The following PAX7 variants were observed in gnomAD, a reference collection of about 807,000 sequenced individuals.
PAX7 encodes the protein paired box protein Pax-7.
In PAX7, 18 loss-of-function variants were observed where a neutral mutation model predicts 50.7. The ratio of observed to expected loss-of-function variants is 0.36; its 90% CI spans 0.25 to 0.53. The LOEUF (loss-of-function observed/expected upper bound fraction) is 0.53. Among genes scored for constraint, PAX7 ranks in the 20% least tolerant of loss-of-function variants. PAX7 has a pLI of 0.93. For missense variants in PAX7, 644 were observed against 702.9 expected, an observed-to-expected ratio of 0.92 and a Z score of 0.95; for synonymous variants, 310 against 290.4, an observed-to-expected ratio of 1.07 and a Z score of -0.69.
intron 4 of PAX7, among the ~76,000 whole-genome samples, chr1:18,667,079 T>C (rs1431025702): frequency 1.3e-5 from 2 of 152,178 alleles, no homozygotes; most frequent in Non-Finnish European, 2.9e-5. Context: ...TCGTTTGGTC[T>C]GATTTCATTC....
intron 4 of PAX7, among the ~76,000 whole-genome samples, chr1:18,659,347 A>G (rs1191240507): frequency 6.6e-6 from 1 of 152,194 alleles, no homozygotes; most frequent in East Asian, 1.9e-4. Flanking sequence ...GGGAGGGGGC[A>G]GCCAGGCCTC....
chr1:18,688,629 G>C (rs1478845212), intron 4 of PAX7, among the ~76,000 whole-genome samples: 1 of 152,196 alleles, frequency 6.6e-6, no homozygotes, highest in African/African-American at 2.4e-5. Flanking sequence ...GGCCAGGCAT[G>C]GTGGCTCATG....
At chr1:18,695,458 G>A (rs1221518015) in intron 5 of PAX7, among the ~76,000 whole-genome samples, 1 of 152,218 alleles carries the variant, frequency 6.6e-6, no homozygotes, top group Non-Finnish European at 1.5e-5. Context: ...TACGTGCACA[G>A]GTAAACATGA....
At chr1:18,717,611 C>T (rs2089444327) in intron 7 of PAX7, among the ~76,000 whole-genome samples, 1 of 152,204 alleles carries the variant, frequency 6.6e-6, no homozygotes, top group African/African-American at 2.4e-5. Flanking sequence ...GCAGCTTTGC[C>T]TCTGGTTTCT....
At chr1:18,665,825 A>C (rs1364930181) in intron 4 of PAX7, among the ~76,000 whole-genome samples, 1 of 151,866 alleles carries the variant, frequency 6.6e-6, no homozygotes, top group Non-Finnish European at 1.5e-5. Context: ...GTGCACCACC[A>C]TGCCTGACTG....
At chr1:18,725,063 A>G (rs2089541259) in intron 7 of PAX7, among the ~76,000 whole-genome samples, 1 of 152,190 alleles carries the variant, frequency 6.6e-6, no homozygotes, top group South Asian at 2.1e-4. Flanking sequence ...CTTCTCTATA[A>G]CCAGGGGCCA....
intron 5 of PAX7, among the ~76,000 whole-genome samples, chr1:18,697,365 C>T (rs1039322902): frequency 1.3e-5 from 2 of 152,174 alleles, no homozygotes; most frequent in South Asian, 2.1e-4. Context: ...GCAGCTCATA[C>T]GAGACGCTGG....
chr1:18,670,931 G>C (rs2088739787), intron 4 of PAX7, among the ~76,000 whole-genome samples: 1 of 152,164 alleles, frequency 6.6e-6, no homozygotes, highest in South Asian at 2.1e-4. Context: ...ACCAATAAAG[G>C]CTCAGAACTC....
intron 5 of PAX7, among the ~76,000 whole-genome samples, chr1:18,695,258 T>C (rs569107888): frequency 1.3e-5 from 2 of 150,590 alleles, no homozygotes; most frequent in Non-Finnish European, 3.0e-5. Context: ...AGAAGTGCCA[T>C]AAATGGGGGT....
intron 4 of PAX7, among the ~76,000 whole-genome samples, chr1:18,681,208 C>T (rs2088895131): frequency 6.7e-6 from 1 of 150,364 alleles, no homozygotes; most frequent in Non-Finnish European, 1.5e-5. Flanking sequence ...GAGCTGAGCT[C>T]CTCATAGAGT....
Position 18,634,202 on chromosome 1 carries a change from G to A in PAX7, c.86-101G>A. The A allele has an allele frequency of 1.1e-6, 1 of 904,600 alleles. No homozygotes were observed. The highest frequency in any genetic ancestry group is 1.7e-6 in the Non-Finnish European group (1 of 585,042). 56.0% of individuals were successfully genotyped at this position (904,600 alleles called of 1,614,324 possible). Reference sequence around the variant, plus strand: ...CCGGGATTGCTGTCTGAGGTCTTGGGGCTCAAACAAACAAAACTGGAGTCA... The same window carrying A: ...CCGGGATTGCTGTCTGAGGTCTTGGAGCTCAAACAAACAAAACTGGAGTCA... On this transcript the variant is annotated intron_variant, in intron 1 of 8. Transcript: ENST00000420770. This position sits in a 1 kb window ranked among gnomAD's most constrained non-coding sequence, Gnocchi z 4.0.
intron 4 of PAX7, among the ~76,000 whole-genome samples, chr1:18,637,206 G>A (rs1481964046): frequency 6.6e-6 from 1 of 152,174 alleles, no homozygotes; most frequent in Non-Finnish European, 1.5e-5. Context: ...TTGTGCTTTT[G>A]TTTCTTGACG....
chr1:18,697,184 G>T (rs1182711083), intron 5 of PAX7, among the ~76,000 whole-genome samples: 1 of 152,152 alleles, frequency 6.6e-6, no homozygotes, highest in African/African-American at 2.4e-5. Context: ...GTACACAGAT[G>T]GCATCAACTG....
intron 4 of PAX7, among the ~76,000 whole-genome samples, chr1:18,660,375 C>T (rs1374458488): frequency 6.6e-6 from 1 of 152,110 alleles, no homozygotes; most frequent in Non-Finnish European, 1.5e-5. Context: ...CCCCTAGACA[C>T]CTTATTTTTT....
chr1:18,651,431 C>T (rs2088428930), intron 4 of PAX7, among the ~76,000 whole-genome samples: 1 of 152,116 alleles, frequency 6.6e-6, no homozygotes, highest in African/African-American at 2.4e-5. Flanking sequence ...AATTAACAAT[C>T]CTTCTCTATC....
intron 7 of PAX7, among the ~76,000 whole-genome samples, chr1:18,711,465 A>AC (rs1269121614): frequency 6.6e-6 from 1 of 151,224 alleles, no homozygotes; most frequent in East Asian, 1.9e-4. Flanking sequence ...GCTCTCCTTG[A>AC]CCCCCTTCAG....
intron 7 of PAX7, among the ~76,000 whole-genome samples, chr1:18,721,162 CA>C (rs1172127928): frequency 6.6e-5 from 10 of 152,162 alleles, no homozygotes; most frequent in South Asian, 2.1e-4. Context: ...TTCCCATGCA[CA>C]GGGGGCTGCC....
At chr1:18,686,070 C>T (rs6665766) in intron 4 of PAX7, among the ~76,000 whole-genome samples, 10,071 of 152,284 alleles carry the variant, frequency 0.066, 456 homozygotes, top group African/African-American at 0.13. Context: ...TTTAACGAGC[C>T]ACAAGCTGCC....
chr1:18,727,194 C>A (rs548702226), intron 7 of PAX7, among the ~76,000 whole-genome samples: 1 of 152,242 alleles, frequency 6.6e-6, no homozygotes, highest in South Asian at 2.1e-4. Flanking sequence ...ATATAACACA[C>A]AGGCACATAC....
Sources: allele counts gnomAD v4.1 joint callset (sites outside exome capture counted in the v4.1 genomes callset), GRCh38; gene constraint gnomAD v4.1.1; non-coding constraint Gnocchi (gnomAD v3.1); transcripts MANE v1.5; gene names NCBI Gene and HGNC (gene_info 2026-07-23, HGNC 2026-07-21).